LHX8: variants seen among roughly 807,000 people sequenced by gnomAD.
LHX8 encodes the protein LIM homeobox 8, also known as LIM/homeobox protein Lhx8.
LHX8 carries 12 observed loss-of-function variants against 40.3 expected under a neutral mutation model. The observed-to-expected ratio is 0.30, with a 90% CI of 0.19 to 0.48. The LOEUF (loss-of-function observed/expected upper bound fraction) is 0.48, where lower values mean the gene tolerates loss of function less well. LHX8 is among the 20% of genes least tolerant of loss of function. The probability of loss-of-function intolerance (pLI) is 0.99; values close to 1 mark genes in which losing one functional copy is unlikely to be tolerated. For missense variants in LHX8, 344 were observed against 433.7 expected (o/e 0.79, Z 1.84); for synonymous variants, 179 against 162.0 (o/e 1.10, Z -0.80).
chr1:75,130,620 C>T (rs1647936424), upstream of LHX8: 2 of 1,151,914 alleles, frequency 1.7e-6, no homozygotes. Flanking sequence ...CCTCTCTTAC[C>T]CTCAGAAACT....
At chr1:75,196,700 T>G in the LHX8 span, among the ~76,000 whole-genome samples, 1 of 152,224 alleles carries the variant, frequency 6.6e-6, no homozygotes, top group South Asian at 2.1e-4. Context: ...AAGCTTCATA[T>G]TAAGAGACGG....
At position 75,134,675 on chromosome 1, in the gene LHX8, C is replaced by A. The variant is rs955766806; in HGVS notation, c.-292C>A. On this transcript the variant is annotated 5_prime_UTR_variant, in exon 1 of 9. Coordinates refer to ENST00000356261, the MANE Select transcript of LHX8 (RefSeq NM_001256114.2). The stretch of plus-strand genomic sequence containing the variant: ...TGTAAACTAGTAGCAAAGGACGTGC[C>A]GGAGCTGGCAGTTCCCCCTGAGAAG... 1.3e-5 allele frequency among the ~76,000 whole-genome samples: 2 copies of A among 152,058 alleles called. No individual in the cohort carries two copies. Among genetic ancestry groups the A allele is most frequent in the African/African-American group, 4.8e-5 (2 of 41,378 alleles).
upstream of LHX8, chr1:75,132,756 A>AAC (rs373753523): frequency 0.22 from 32,616 of 145,926 alleles, 3,664 homozygotes; most frequent in Middle Eastern, 0.32. Flanking sequence ...TTTAAACCCT[A>AAC]ACACACACAC....
chr1:75,162,023 T>C (rs1429830008), downstream of LHX8, among the ~76,000 whole-genome samples: 1 of 152,058 alleles, frequency 6.6e-6, no homozygotes, highest in Non-Finnish European at 1.5e-5. Context: ...TATATGCCAG[T>C]TGGGGAAGAA....
chr1:75,140,839 TAAAA>T (rs879120230), intron 3 of LHX8, 142 bp from the exon 4 acceptor site: 3 of 793,876 alleles, frequency 3.8e-6, no homozygotes, highest in Admixed American at 4.8e-5. Context: ...AATGACATCT[TAAAA>T]AAAAATGACA....
chr1:75,181,208 C>T, the LHX8 span, among the ~76,000 whole-genome samples: 78 of 152,280 alleles, frequency 5.1e-4, no homozygotes, highest in African/African-American at 1.7e-3. Flanking sequence ...TCTCAGAGCT[C>T]AAATACCATG....
the LHX8 span, among the ~76,000 whole-genome samples, chr1:75,174,567 G>T: frequency 1.9e-4 from 29 of 152,120 alleles, 1 homozygote; most frequent in Admixed American, 1.9e-3. Context: ...AGACAGGTCT[G>T]CAAGTTCTGG....
chr1:75,198,935 G>T, the LHX8 span, among the ~76,000 whole-genome samples: 2 of 152,136 alleles, frequency 1.3e-5, no homozygotes, highest in East Asian at 3.9e-4. Flanking sequence ...CAAAGCTTTG[G>T]CTAACATGTA....
At chr1:75,175,820 C>T in the LHX8 span, among the ~76,000 whole-genome samples, 9 of 152,122 alleles carry the variant, frequency 5.9e-5, no homozygotes, top group African/African-American at 1.9e-4. Context: ...TATCCCTCCC[C>T]CATTCCATCA....
At chr1:75,155,779 T>C (rs184013717) in intron 7 of LHX8, among the ~76,000 whole-genome samples, 3 of 152,304 alleles carry the variant, frequency 2.0e-5, no homozygotes, top group Admixed American at 6.5e-5. Flanking sequence ...ACTTAAATAT[T>C]ATGAGTTTTT....
chr1:75,191,052 TATGAG>T, the LHX8 span, among the ~76,000 whole-genome samples: 1 of 145,098 alleles, frequency 6.9e-6, no homozygotes, highest in South Asian at 2.1e-4. Flanking sequence ...AATGAAAAGA[TATGAG>T]AGAGAGGAGA....
At chr1:75,153,493 A>G (rs919564163) in intron 7 of LHX8, among the ~76,000 whole-genome samples, 2 of 142,734 alleles carry the variant, frequency 1.4e-5, no homozygotes, top group Admixed American at 1.4e-4. Flanking sequence ...GCTCACTGCA[A>G]CCTCTGCCTC....
the LHX8 span, among the ~76,000 whole-genome samples, chr1:75,175,195 T>A: frequency 6.6e-6 from 1 of 152,370 alleles, no homozygotes; most frequent in African/African-American, 2.4e-5. Context: ...ATTTTCTTTA[T>A]CCACTCATTG....
At chr1:75,139,494 C>A (rs1240326968) in intron 3 of LHX8, among the ~76,000 whole-genome samples, 4 of 151,960 alleles carry the variant, frequency 2.6e-5, no homozygotes, top group Non-Finnish European at 5.9e-5. Flanking sequence ...TACAGAAGGC[C>A]CTAAACAGTG....
chr1:75,154,887 A>T (rs867823970), intron 7 of LHX8, among the ~76,000 whole-genome samples: 2 of 152,090 alleles, frequency 1.3e-5, no homozygotes, highest in African/African-American at 4.8e-5. Flanking sequence ...TTAATTTTTT[A>T]TTCTTTTAGT....
At chr1:75,181,879 T>C in the LHX8 span, among the ~76,000 whole-genome samples, 44 of 152,208 alleles carry the variant, frequency 2.9e-4, 1 homozygote, top group Admixed American at 2.6e-3. Flanking sequence ...TTGAGTTTCT[T>C]GTAGATTCTG....
downstream of LHX8, among the ~76,000 whole-genome samples, chr1:75,161,836 A>G (rs1041424856): frequency 6.6e-6 from 1 of 152,140 alleles, no homozygotes; most frequent in Non-Finnish European, 1.5e-5. Context: ...TCAGGAGTGA[A>G]AAAAGAGAAC....
At chr1:75,196,334 T>C in the LHX8 span, among the ~76,000 whole-genome samples, 1 of 152,040 alleles carries the variant, frequency 6.6e-6, no homozygotes, top group Non-Finnish European at 1.5e-5. Flanking sequence ...GGATATTAAG[T>C]ATAGTCTGAA....
chr1:75,147,368 C>T (rs894531992), intron 6 of LHX8, among the ~76,000 whole-genome samples: 1 of 152,184 alleles, frequency 6.6e-6, no homozygotes, highest in African/African-American at 2.4e-5. Flanking sequence ...AAACTCTTAA[C>T]ATACTCTCTG....
Sources: gnomAD v4.1 joint callset for allele counts (sites outside exome capture counted in the v4.1 genomes callset) on GRCh38, gnomAD v4.1.1 for gene constraint, MANE v1.5 for transcripts, NCBI Gene and HGNC (gene_info 2026-07-23, HGNC 2026-07-21) for gene names.